Variants in PTPRN2 observed in about 807,000 individuals in gnomAD.
The protein encoded by PTPRN2 is receptor-type tyrosine-protein phosphatase N2.
A neutral mutation model predicts 118.8 loss-of-function variants in PTPRN2; 74 were observed. The observed-to-expected ratio is 0.62, with a 90% CI of 0.52 to 0.76. The LOEUF is 0.76. Among genes scored for constraint, PTPRN2 ranks in the 30% least tolerant of loss-of-function variants. PTPRN2 has a pLI of 0.00. For synonymous variants in PTPRN2, 641 were observed against 608.0 expected (o/e 1.05, Z -0.80); for missense variants, 1,481 against 1,394.4 (o/e 1.06, Z -0.99).
chr7:157,655,354 C>T (rs543128293), intron 14 of PTPRN2, among the ~76,000 whole-genome samples: 24 of 152,282 alleles, frequency 1.6e-4, no homozygotes, highest in African/African-American at 5.5e-4. Context: ...TCAGCTGGGC[C>T]GGGAGGCCTC....
chr7:157,880,442 C>T lies in PTPRN2; in HGVS notation c.1788+18231G>A, dbSNP rs373099115. Among the ~76,000 whole-genome samples, 7 of 152,338 alleles carry T rather than the reference C, an allele frequency of 4.6e-5. No homozygotes were observed. The East Asian group carries it at 5.8e-4, about 13-fold the overall frequency. ...AACATCAAGAATTTTTTAGGGTCCCCGTGCTAGAGGGGGCACCGGCAGCTC... is the reference window on the plus strand; with the variant it reads ...AACATCAAGAATTTTTTAGGGTCCCTGTGCTAGAGGGGGCACCGGCAGCTC... On this transcript the variant is annotated intron_variant, in intron 12 of 22. Coordinates refer to ENST00000389418, the MANE Select transcript of PTPRN2 (RefSeq NM_002847.5).
At chr7:158,540,946 G>A (rs1825954767) in intron 1 of PTPRN2, among the ~76,000 whole-genome samples, 1 of 152,212 alleles carries the variant, frequency 6.6e-6, no homozygotes, top group Admixed American at 6.5e-5. Flanking sequence ...CTGCCCACAA[G>A]TTACCTTCTT....
chr7:158,431,711 A>G (rs1322627779), intron 2 of PTPRN2, among the ~76,000 whole-genome samples: 1 of 141,692 alleles, frequency 7.1e-6, no homozygotes, highest in Non-Finnish European at 1.5e-5. Flanking sequence ...CACACTGGGC[A>G]CATACTGGCT....
At chr7:158,399,938 G>T (rs907015014) in intron 2 of PTPRN2, among the ~76,000 whole-genome samples, 6 of 152,176 alleles carry the variant, frequency 3.9e-5, no homozygotes, top group Non-Finnish European at 8.8e-5. Flanking sequence ...CCCACAGGGA[G>T]CGAAGCTGGG....
chr7:157,653,354 C>T (rs979424808), intron 14 of PTPRN2, among the ~76,000 whole-genome samples: 1 of 152,280 alleles, frequency 6.6e-6, no homozygotes, highest in Non-Finnish European at 1.5e-5. Flanking sequence ...GGGTGTCTGG[C>T]GGAAACGAGG....
intron 2 of PTPRN2, among the ~76,000 whole-genome samples, chr7:158,410,109 C>T (rs1195326965): frequency 6.6e-6 from 1 of 152,208 alleles, no homozygotes; most frequent in Non-Finnish European, 1.5e-5. Flanking sequence ...GGGTGACCTC[C>T]ACAGTCTCTG....
chr7:158,425,797 C>G (rs1301084269), intron 2 of PTPRN2, among the ~76,000 whole-genome samples: 1 of 108,366 alleles, frequency 9.2e-6, no homozygotes. Flanking sequence ...GGCCTGCGCA[C>G]CGCCGGGAAA....
chr7:157,831,823 C>T lies in PTPRN2; in HGVS notation c.1788+66850G>A, dbSNP rs999494451. Among the ~76,000 whole-genome samples the T allele has an allele frequency of 6.6e-6, 1 of 152,216 alleles. No homozygotes were observed. Among genetic ancestry groups the T allele is most frequent in the Non-Finnish European group, 1.5e-5 (1 of 68,038 alleles). On this transcript the variant is annotated intron_variant, in intron 12 of 22. Coordinates refer to ENST00000389418, the MANE Select transcript of PTPRN2 (RefSeq NM_002847.5). The surrounding 1 kb of genome is among the most constrained non-coding windows in gnomAD (Gnocchi z 4.8). ...CGTTAGACCCTCACGAGACGTCCCA[C>T]GAATGGAACCCTAGGCCATAAAATA...
intron 6 of PTPRN2, among the ~76,000 whole-genome samples, chr7:158,150,695 C>A (rs1396310979): frequency 4.6e-5 from 7 of 152,082 alleles, no homozygotes; most frequent in Non-Finnish European, 7.4e-5. Flanking sequence ...ATCTGTCATG[C>A]AGAGGGAAGA....
intron 16 of PTPRN2, among the ~76,000 whole-genome samples, chr7:157,601,164 G>A (rs1467304982): frequency 6.6e-6 from 1 of 152,106 alleles, no homozygotes; most frequent in Non-Finnish European, 1.5e-5. Flanking sequence ...ACCTACGAGG[G>A]AAAACAGAAT....
At chr7:158,172,670 CCAT>C (rs757888983) in intron 5 of PTPRN2, among the ~76,000 whole-genome samples, 16 of 150,398 alleles carry the variant, frequency 1.1e-4, no homozygotes, top group East Asian at 2.0e-4. Context: ...CAGCATCCCA[CCAT>C]CATCATCTTC....
chr7:158,155,051 T>C (rs1435480156), intron 6 of PTPRN2, among the ~76,000 whole-genome samples: 4 of 152,206 alleles, frequency 2.6e-5, no homozygotes, highest in African/African-American at 9.7e-5. Flanking sequence ...CTGCACCACG[T>C]AATTCTGCAA....
chr7:158,195,867 C>T (rs961639445), intron 4 of PTPRN2, among the ~76,000 whole-genome samples: 2 of 152,082 alleles, frequency 1.3e-5, no homozygotes, highest in African/African-American at 4.8e-5. Flanking sequence ...GTGAATTTTA[C>T]CTTATTGGGT....
At chr7:158,388,135 G>A (rs1380134068) in intron 2 of PTPRN2, among the ~76,000 whole-genome samples, 2 of 152,000 alleles carry the variant, frequency 1.3e-5, no homozygotes, top group African/African-American at 4.8e-5. Context: ...TCTCCCCTGT[G>A]TCGGCTTCAC....
intron 12 of PTPRN2, among the ~76,000 whole-genome samples, chr7:157,876,376 CAG>C (rs906461848): frequency 1.4e-4 from 21 of 152,214 alleles, no homozygotes; most frequent in Non-Finnish European, 2.2e-4. Flanking sequence ...GGCCCCAGGA[CAG>C]AGTCTGTCAC....
intron 11 of PTPRN2, among the ~76,000 whole-genome samples, chr7:158,010,168 G>GT (rs1173750934): frequency 6.6e-6 from 1 of 152,124 alleles, no homozygotes; most frequent in Non-Finnish European, 1.5e-5. Context: ...TCAGCACAAG[G>GT]TAAAGCCTCA....
rs796574385 is a variant in PTPRN2 at position 158,333,221 on chromosome 7, G to C, written c.164-16289C>G. Among the ~76,000 whole-genome samples the C allele has an allele frequency of 9.2e-4, 60 of 65,212 alleles. 1 individual carries two copies. Among genetic ancestry groups the C allele is most frequent in the Admixed American group, 2.0e-3 (12 of 6,110 alleles). 42.8% of individuals were successfully genotyped at this position (65,212 alleles called of 152,430 possible). A position where few individuals can be genotyped will look rare whatever the true frequency, so the allele number is the denominator to read the frequency against. On this transcript the variant is annotated intron_variant, in intron 2 of 22. Transcript: ENST00000389418. Reference sequence around the variant, plus strand: ...CATAAGAGCTGTCGCCCGCAGACGTGACTCACACCCACACTCTCCCCAAAA... The same window carrying C: ...CATAAGAGCTGTCGCCCGCAGACGTCACTCACACCCACACTCTCCCCAAAA...
At position 157,611,216 on chromosome 7, in the gene PTPRN2, C is replaced by T. The variant is rs979674517; in HGVS notation, c.2345-7141G>A. On this transcript the variant is annotated intron_variant, in intron 15 of 22. Coordinates refer to ENST00000389418, the MANE Select transcript of PTPRN2 (RefSeq NM_002847.5). This position sits in a 1 kb window ranked among gnomAD's most constrained non-coding sequence, Gnocchi z 5.9. ...GTCTTAAATGGTTTCACTGGCATCC[C>T]CCACAGACAGATCTCTCAGAAAGTC... Among the ~76,000 whole-genome samples, 1 of 152,116 alleles carries T rather than the reference C, an allele frequency of 6.6e-6. No individual in the cohort carries two copies. Among genetic ancestry groups the T allele is most frequent in the East Asian group, 1.9e-4 (1 of 5,198 alleles).
In PTPRN2 at chr7:157,845,888, C is replaced by A. The variant is rs1457235162; in HGVS notation, c.1788+52785G>T. On this transcript the variant is annotated intron_variant, in intron 12 of 22. Transcript: ENST00000389418. The surrounding 1 kb of genome is among the most constrained non-coding windows in gnomAD (Gnocchi z 4.5). The stretch of plus-strand genomic sequence containing the variant: ...AAAATTAACCCCAGGCAGATTAAAG[C>A]CTAAATGGGGGGAAAAAACCTGTAA... Among the ~76,000 whole-genome samples the A allele has an allele frequency of 6.6e-6, 1 of 152,116 alleles. No homozygotes were observed. The highest frequency in any genetic ancestry group is 1.9e-4 in the East Asian group (1 of 5,186).
Sources: gnomAD v4.1 joint callset for allele counts (sites outside exome capture counted in the v4.1 genomes callset) on GRCh38, gnomAD v4.1.1 for gene constraint, Gnocchi (gnomAD v3.1) non-coding constraint, MANE v1.5 for transcripts, NCBI Gene and HGNC (gene_info 2026-07-23, HGNC 2026-07-21) for gene names.